Variants in PRDM1 observed in about 807,000 individuals in gnomAD.
PRDM1 encodes the protein PR domain zinc finger protein 1.
In PRDM1, 13 loss-of-function variants were observed where a neutral mutation model predicts 62.8. That is an observed-to-expected ratio of 0.21 (90% confidence interval 0.13 to 0.33). The LOEUF (loss-of-function observed/expected upper bound fraction) is 0.33, where lower values mean the gene tolerates loss of function less well. Ranked by LOEUF, PRDM1 falls within the 10% of genes least tolerant of loss-of-function variation. The pLI is 1.00. For missense variants in PRDM1, 895 were observed against 1,058.8 expected (o/e 0.85, Z 2.15); for synonymous variants, 396 against 417.6 (o/e 0.95, Z 0.63).
At position 106,106,544 on chromosome 6, in the gene PRDM1, T is replaced by C; in HGVS notation, c.1902+45T>C. ...TAGACCTTCTGACCTTTGTAGAAAA[T>C]GTCTGTGAGTCACCCTCCCATGTCC... On this transcript the variant is annotated intron_variant, in intron 6 of 6. Transcript: ENST00000369096. The surrounding 1 kb of genome is among the most constrained non-coding windows in gnomAD (Gnocchi z 4.4). 6.2e-7 allele frequency: 1 copy of C among 1,610,472 alleles called. No individual in the cohort carries two copies. Among genetic ancestry groups the C allele is most frequent in the Non-Finnish European group, 8.5e-7 (1 of 1,178,342 alleles).
At chr6:106,032,058 G>A (rs1582432380) in intron 1 of PRDM1, among the ~76,000 whole-genome samples, 1 of 152,170 alleles carries the variant, frequency 6.6e-6, no homozygotes, top group East Asian at 1.9e-4. Context: ...CACAGGTAGA[G>A]TCTCACAAAA....
intron 1 of PRDM1, among the ~76,000 whole-genome samples, chr6:106,066,319 T>C (rs972923644): frequency 3.3e-5 from 5 of 152,180 alleles, no homozygotes; most frequent in African/African-American, 1.2e-4. Context: ...TAGCTGATCA[T>C]GTTTAAATGG....
chr6:106,100,680 TA>T (rs1171103899), intron 4 of PRDM1: 3 of 152,214 alleles, frequency 2.0e-5, no homozygotes, highest in African/African-American at 7.2e-5. Context: ...GGTTATTTGG[TA>T]TTCATTCCAC....
chr6:106,021,724 G>T (rs184213842), intron 1 of PRDM1, among the ~76,000 whole-genome samples: 1 of 152,140 alleles, frequency 6.6e-6, no homozygotes, highest in Non-Finnish European at 1.5e-5. Context: ...GGGTTCAATC[G>T]ATTCTTCTGC....
At chr6:106,019,315 A>G (rs1772664241) in intron 1 of PRDM1, among the ~76,000 whole-genome samples, 1 of 148,130 alleles carries the variant, frequency 6.8e-6, no homozygotes, top group Non-Finnish European at 1.5e-5. Flanking sequence ...ATGATTTTAT[A>G]TGTTATTTTA....
intron 1 of PRDM1, among the ~76,000 whole-genome samples, chr6:106,019,637 C>CTTT (rs754946092): frequency 3.8e-5 from 5 of 132,914 alleles, no homozygotes; most frequent in Admixed American, 7.5e-5. Context: ...TTTTTCTTTT[C>CTTT]TTTTTTTTTT....
At chr6:106,088,523 T>C in intron 2 of PRDM1, 74 bp downstream of exon 2, 1 of 1,545,664 alleles carries the variant, frequency 6.5e-7, no homozygotes, top group East Asian at 2.2e-5. Flanking sequence ...TGAGGCCTTG[T>C]ATATCTCTGA....
In PRDM1 at chr6:106,104,858, C is replaced by G. The variant is rs933516352; in HGVS notation, c.698C>G (p.Thr233Ser). The change falls in exon 5 of 7, where the codon ACT becomes AGT. Residue 233 changes from threonine to serine, a missense_variant. Physicochemically the swap from Thr to Ser is moderately conservative, Grantham distance 58. Around this residue, in one of 4 missense-constraint regions of PRDM1, gnomAD observed 444 missense variants for 422.7 expected, o/e 1.05. Coordinates refer to ENST00000369096, the MANE Select transcript of PRDM1 (RefSeq NM_001198.4). ...QTQSSLKQPS[T>S]EKNELCPKNV... ...CAGAGCAGTCTAAAGCAACCGAGCA[C>G]TGAGAAAAATGAACTCTGCCCAAAG... is the stretch of plus-strand genomic sequence containing the variant. The G allele has an allele frequency of 1.2e-6, 2 of 1,613,828 alleles. No individual in the cohort carries two copies. Among genetic ancestry groups the G allele is most frequent in the African/African-American group, 2.7e-5 (2 of 74,814 alleles).
In PRDM1 at chr6:105,998,207, G is replaced by A. The variant is rs78869301; in HGVS notation, c.-67+4568G>A. 9.5e-3 allele frequency among the ~76,000 whole-genome samples: 1,444 copies of A among 151,976 alleles called. 8 individuals carry two copies. The highest frequency in any genetic ancestry group is 0.012 in the Non-Finnish European group (803 of 67,992). On this transcript the variant is annotated intron_variant, in intron 1 of 6. Transcript: ENST00000652320. ...CTGTATATTGTGTTCTGGGTCCATCGAGCTGAAAGCTTGTGGCAAAATATT... is the reference window on the plus strand; with the variant it reads ...CTGTATATTGTGTTCTGGGTCCATCAAGCTGAAAGCTTGTGGCAAAATATT...
intron 1 of PRDM1, among the ~76,000 whole-genome samples, chr6:106,014,621 A>C (rs567172804): frequency 6.6e-6 from 1 of 151,104 alleles, no homozygotes; most frequent in African/African-American, 2.4e-5. Flanking sequence ...TACATCAATA[A>C]AACGATGATA....
chr6:106,029,369 C>T (rs1356953171), intron 1 of PRDM1, among the ~76,000 whole-genome samples: 2 of 152,206 alleles, frequency 1.3e-5, no homozygotes. Context: ...TGGTCCAGCA[C>T]CATATGTTAA....
At chr6:106,030,996 C>CTTTTTTTTTTTT (rs11343130) in intron 1 of PRDM1, among the ~76,000 whole-genome samples, 2 of 135,320 alleles carry the variant, frequency 1.5e-5, no homozygotes, top group Non-Finnish European at 3.2e-5. Flanking sequence ...TGTATTCTCT[C>CTTTTTTTTTTTT]TTTTTTTTTT....
intron 1 of PRDM1, among the ~76,000 whole-genome samples, chr6:106,029,286 A>G (rs1772808042): frequency 6.6e-6 from 1 of 152,180 alleles, no homozygotes; most frequent in Non-Finnish European, 1.5e-5. Context: ...ATTCATTAAG[A>G]GTTAATTTAT....
intron 1 of PRDM1, among the ~76,000 whole-genome samples, chr6:106,075,957 T>A (rs1384047946): frequency 1.0e-5 from 1 of 99,470 alleles, no homozygotes; most frequent in Non-Finnish European, 2.0e-5. Flanking sequence ...AAAAAAAAAT[T>A]TTTTTTTTTT....
chr6:106,071,472 ACTTCCCATCGATTTTGC>A (rs1773519614), intron 1 of PRDM1, among the ~76,000 whole-genome samples: 1 of 152,148 alleles, frequency 6.6e-6, no homozygotes, highest in African/African-American at 2.4e-5. Context: ...ATGCTGATCC[ACTTCCCATCGATTTTGC>A]ATTGATTTTC....
In PRDM1 at chr6:106,107,064, C is replaced by A. The variant is rs775331901; in HGVS notation, c.2056C>A (p.Pro686Thr). The A allele has an allele frequency of 6.2e-7, 1 of 1,614,212 alleles. No individual in the cohort carries two copies. The highest frequency in any genetic ancestry group is 8.5e-7 in the Non-Finnish European group (1 of 1,180,040). Residue 686 changes from proline (P) to threonine (T), a missense_variant, in exon 7 of 7, where the codon CCC (proline) becomes ACC (threonine). By Grantham distance (38) the Pro-to-Thr change is conservative (BLOSUM62 -1). This residue lies in a region of PRDM1 where 164 missense variants were observed against 179.9 expected (regional missense o/e 0.91). Coordinates refer to ENST00000369096, the MANE Select transcript of PRDM1 (RefSeq NM_001198.4). ...LHKRLHTRER[P>T]HKCSQCHKNY... ...CAAGCGTCTGCACACCCGGGAGCGG[C>A]CCCACAAGTGCTCCCAGTGCCACAA...
chr6:106,009,961 A>G (rs568060595), intron 1 of PRDM1, among the ~76,000 whole-genome samples: 1 of 152,190 alleles, frequency 6.6e-6, no homozygotes, highest in African/African-American at 2.4e-5. Context: ...CAAGTGATCC[A>G]CCTGCCTGGG....
upstream of PRDM1, among the ~76,000 whole-genome samples, chr6:106,044,552 C>A (rs1044257386): frequency 2.6e-5 from 4 of 152,156 alleles, no homozygotes; most frequent in Non-Finnish European, 5.9e-5. Context: ...CCTCTTTCCG[C>A]CCTTCAGTTT....
intron 1 of PRDM1, among the ~76,000 whole-genome samples, chr6:106,061,482 T>C (rs1301899378): frequency 6.6e-6 from 1 of 152,250 alleles, no homozygotes; most frequent in African/African-American, 2.4e-5. Context: ...TGGTTTTCCT[T>C]CTGGCTGAAT....
Sources: gnomAD v4.1 joint callset for allele counts (sites outside exome capture counted in the v4.1 genomes callset) on GRCh38, gnomAD v4.1.1 for gene constraint, gnomAD v4.1.1 regional missense constraint, Gnocchi (gnomAD v3.1) non-coding constraint, MANE v1.5 for transcripts, NCBI Gene and HGNC (gene_info 2026-07-23, HGNC 2026-07-21) for gene names.